Variants in ACAT2 observed in about 807,000 individuals in gnomAD.
ACAT2 encodes acetyl-CoA acetyltransferase 2, also known as acetyl-CoA acetyltransferase, cytosolic.
ACAT2 carries 26 observed loss-of-function variants against 37.1 expected under a neutral mutation model. That is an observed-to-expected ratio of 0.70 (90% CI 0.51 to 0.97). The LOEUF is 0.97. Ranked by LOEUF, ACAT2 falls within the 50% of genes least tolerant of loss-of-function variation. The pLI, the probability that ACAT2 is intolerant of heterozygous loss-of-function variation, is 0.00. For missense variants in ACAT2, 468 were observed against 489.0 expected (o/e 0.96, Z 0.40); for synonymous variants, 156 against 163.6 (o/e 0.95, Z 0.35).
intron 2 of ACAT2, among the ~76,000 whole-genome samples, chr6:159,763,902 C>A (rs907325629): frequency 3.3e-5 from 5 of 151,950 alleles, no homozygotes; most frequent in African/African-American, 1.2e-4. Context: ...GAGATCAAGA[C>A]CATCCTGGCT....
At chr6:159,772,539 C>A (rs868611077) in intron 4 of ACAT2, among the ~76,000 whole-genome samples, 9 of 152,088 alleles carry the variant, frequency 5.9e-5, no homozygotes, top group South Asian at 2.1e-4. Context: ...AACCTAGATC[C>A]CTACCTCACA....
At position 159,778,223 on chromosome 6, in the gene ACAT2, A is replaced by C. The variant is rs1411136752; in HGVS notation, c.966A>C (p.Glu322Asp). ...LEDVDIFEIN[E>D]AFAAVSAAIV... Reference sequence around the variant, plus strand: ...ATGTTGACATATTTGAAATCAATGAAGCCTTTGCAGCTGTCTCTGCTGCAA... The same window carrying C: ...ATGTTGACATATTTGAAATCAATGACGCCTTTGCAGCTGTCTCTGCTGCAA... Residue 322 changes from glutamate (E) to aspartate (D), a missense_variant, in exon 8 of 9, where the codon GAA becomes GAC. By Grantham distance (45) the Glu-to-Asp change is conservative. Transcript: ENST00000367048. 4 of 1,612,658 alleles carry C rather than the reference A, an allele frequency of 2.5e-6. No individual in the cohort carries two copies. The highest frequency in any genetic ancestry group is 3.3e-5 in the Admixed American group (2 of 59,900).
intron 4 of ACAT2, among the ~76,000 whole-genome samples, chr6:159,774,442 A>G (rs780461493): frequency 2.6e-5 from 4 of 152,112 alleles, no homozygotes; most frequent in Non-Finnish European, 5.9e-5. Context: ...TTCATGTTAA[A>G]TTTCCTGATT....
chr6:159,778,995 G>T lies in ACAT2; in HGVS notation c.*166G>T. 6.3e-7 allele frequency: 1 copy of T among 1,581,902 alleles called. No homozygotes were observed. The highest frequency in any genetic ancestry group is 1.1e-5 in the South Asian group (1 of 87,784). On this transcript the variant is annotated 3_prime_UTR_variant, in exon 9 of 9. Transcript: ENST00000367048. ...CTTTAATGTGTAATACTCAACTCAAGGTACAAGACAATTGCATTTAACATT... is the reference window on the plus strand; with the variant it reads ...CTTTAATGTGTAATACTCAACTCAATGTACAAGACAATTGCATTTAACATT...
At chr6:159,773,386 AATAC>A (rs753237703) in intron 4 of ACAT2, among the ~76,000 whole-genome samples, 7 of 152,220 alleles carry the variant, frequency 4.6e-5, no homozygotes, top group African/African-American at 7.2e-5. Flanking sequence ...AGATCTTCTA[AATAC>A]ATTTATCCAC....
At chr6:159,771,038 C>G (rs996608547) in intron 4 of ACAT2, among the ~76,000 whole-genome samples, 10 of 151,002 alleles carry the variant, frequency 6.6e-5, no homozygotes, top group African/African-American at 2.5e-4. Flanking sequence ...GCGCTCCAGC[C>G]TGGGTAACAA....
intron 3 of ACAT2, 37 bp downstream of exon 3, chr6:159,767,223 C>T (rs1780269876): frequency 1.2e-6 from 2 of 1,604,348 alleles, no homozygotes; most frequent in African/African-American, 2.7e-5. Flanking sequence ...TCACTGACCT[C>T]ACACTGAGAA....
In ACAT2 at chr6:159,768,512, C is replaced by G. The variant is rs1780289407; in HGVS notation, c.374C>G (p.Ala125Gly). The G allele has an allele frequency of 6.2e-7, 1 of 1,605,572 alleles. No homozygotes were observed. The highest frequency in any genetic ancestry group is 1.3e-5 in the African/African-American group (1 of 74,804). ...TCCATTTTTATTTCTGACTTCTAGG[C>G]TCCTCACTTGGCTTACTTGAGAACA... ...VAGGMENMSK[A>G]PHLAYLRTGV... The change falls in exon 4 of 9, where the codon GCT becomes GGT. Residue 125 changes from alanine (A) to glycine (G), a missense_variant and splice_region_variant. By Grantham distance (60) the Ala-to-Gly change is moderately conservative. Transcript: ENST00000367048.
Position 159,767,078 on chromosome 6 carries a change from C to T in ACAT2, c.264C>T (p.Cys88=). 1 of 1,614,166 alleles carries T rather than the reference C, an allele frequency of 6.2e-7. No homozygotes were observed. Residue 88 remains cysteine (C), a synonymous_variant, in exon 3 of 9, where the codon TGC becomes TGT. Coordinates refer to ENST00000367048, the MANE Select transcript of ACAT2 (RefSeq NM_005891.3). ...CCTACTCTGTTCCAGCATGGAGCTG[C>T]CAGATGATCTGTGGGTCAGGCCTAA... The part of the protein sequence containing the change: ...GIPYSVPAWS[C]QMICGSGLKA...
chr6:159,771,965 C>T (rs1318464248), intron 4 of ACAT2, among the ~76,000 whole-genome samples: 2 of 152,144 alleles, frequency 1.3e-5, no homozygotes, highest in Non-Finnish European at 2.9e-5. Context: ...GTGGCTCACG[C>T]CTGTAATCCT....
chr6:159,777,385 G>A lies in ACAT2; in HGVS notation c.841G>A (p.Val281Ile), dbSNP rs1248051510. ...KRGLTPLARI[V>I]SWSQVGVEPS... ...TGGGCTTACACCTTTAGCACGGATA[G>A]TTTCCTGGTCCCAAGTGGGTGTGGA... Residue 281 changes from valine (V) to isoleucine (I), a missense_variant, in exon 7 of 9, where the codon GTT (valine) becomes ATT (isoleucine). Physicochemically the swap from Val to Ile is conservative, Grantham distance 29. Coordinates refer to ENST00000367048, the MANE Select transcript of ACAT2 (RefSeq NM_005891.3). The A allele has an allele frequency of 6.2e-7, 1 of 1,614,084 alleles. No individual in the cohort carries two copies. Among genetic ancestry groups the A allele is most frequent in the African/African-American group, 1.3e-5 (1 of 74,936 alleles).
intron 5 of ACAT2, chr6:159,775,943 G>A (rs866997439): frequency 1.7e-5 from 8 of 468,466 alleles, no homozygotes; most frequent in African/African-American, 4.0e-5. Context: ...GAAAACACAG[G>A]TGTCTCATAA....
chr6:159,762,150 G>A lies in ACAT2; in HGVS notation c.55+8G>A. The A allele has an allele frequency of 6.2e-7, 1 of 1,608,502 alleles. No homozygotes were observed. The highest frequency in any genetic ancestry group is 8.5e-7 in the Non-Finnish European group (1 of 1,177,390). On this transcript the variant is annotated splice_region_variant and intron_variant, in intron 1 of 8. Transcript: ENST00000367048. Reference sequence around the variant, plus strand: ...CGGCGCGGACCATCATAGGTGAGTGGCCGGCGGGAGCCGCGCAGAGTCCGA... The same window carrying A: ...CGGCGCGGACCATCATAGGTGAGTGACCGGCGGGAGCCGCGCAGAGTCCGA...
chr6:159,778,928 T>C lies in ACAT2; in HGVS notation c.*99T>C, dbSNP rs1433234360. On this transcript the variant is annotated 3_prime_UTR_variant, in exon 9 of 9. Coordinates refer to ENST00000367048, the MANE Select transcript of ACAT2 (RefSeq NM_005891.3). The stretch of plus-strand genomic sequence containing the variant: ...AGGACCAAAGTACAGATGGAAACCA[T>C]TTCCTACATCACAAAAACCCAAGTT... 1.3e-6 allele frequency: 2 copies of C among 1,569,012 alleles called. No homozygotes were observed. The highest frequency in any genetic ancestry group is 1.7e-6 in the Non-Finnish European group (2 of 1,153,182).
At chr6:159,774,921 G>A (rs745906964) in intron 4 of ACAT2, among the ~76,000 whole-genome samples, 21 of 152,184 alleles carry the variant, frequency 1.4e-4, no homozygotes, top group Non-Finnish European at 2.5e-4. Context: ...TCTGGGTGAA[G>A]GAAATTTCTG....
intron 7 of ACAT2, 106 bp downstream of exon 7, chr6:159,777,562 A>G (rs1413578455): frequency 3.1e-6 from 4 of 1,282,898 alleles, no homozygotes; most frequent in Non-Finnish European, 4.2e-6. Flanking sequence ...AGAGTAACCA[A>G]GAGCATTTAT....
At chr6:159,769,413 A>C (rs1780302466) in intron 4 of ACAT2, among the ~76,000 whole-genome samples, 1 of 152,206 alleles carries the variant, frequency 6.6e-6, no homozygotes, top group Non-Finnish European at 1.5e-5. Flanking sequence ...GGTCATTAAA[A>C]ATTCAGATCC....
At position 159,776,280 on chromosome 6, in the gene ACAT2, T is replaced by G. The variant is rs982330258; in HGVS notation, c.757+8T>G. 1.9e-6 allele frequency: 3 copies of G among 1,613,142 alleles called. No individual in the cohort carries two copies. In the African/African-American group the frequency reaches 4.0e-5, roughly 22 times the overall value. ...CCCCAGCCAATGCTTCAGGTTAGAT[T>G]TTCTGAAGGACATCTGGGGGAATAC... On this transcript the variant is annotated splice_region_variant and intron_variant, in intron 6 of 8. Coordinates refer to ENST00000367048, the MANE Select transcript of ACAT2 (RefSeq NM_005891.3).
intron 4 of ACAT2, 65 bp downstream of exon 4, chr6:159,768,693 GCTT>G (rs1220782382): frequency 3.5e-6 from 4 of 1,141,682 alleles, no homozygotes; most frequent in Non-Finnish European, 5.2e-6. Flanking sequence ...ATACTAATCT[GCTT>G]CTTAGGTGCT....
Sources: allele counts gnomAD v4.1 joint callset (sites outside exome capture counted in the v4.1 genomes callset), GRCh38; gene constraint gnomAD v4.1.1; transcripts MANE v1.5; gene names NCBI Gene and HGNC (gene_info 2026-07-23, HGNC 2026-07-21).